PCDHGB5: variants seen among roughly 807,000 people sequenced by gnomAD.
The protein encoded by PCDHGB5 is protocadherin gamma subfamily B, 5.
PCDHGB5 carries 48 observed loss-of-function variants against 62.9 expected under a neutral mutation model. That is an observed-to-expected ratio of 0.76 (90% confidence interval 0.61 to 0.97). PCDHGB5 has a LOEUF of 0.97. Among genes scored for constraint, PCDHGB5 ranks in the 50% least tolerant of loss-of-function variants. PCDHGB5 has a pLI of 0.00. For missense variants in PCDHGB5, 1,118 were observed against 1,198.6 expected (o/e 0.93, Z 0.99); for synonymous variants, 474 against 511.2 (o/e 0.93, Z 0.98).
chr5:141,424,116 T>G, intron 1 of PCDHGB5: 1 of 667,648 alleles, frequency 1.5e-6, no homozygotes, highest in Non-Finnish European at 1.9e-6. Context: ...GTTCAAATTT[T>G]GATCCTGTTG....
chr5:141,502,825 G>A (rs1487995525), intron 2 of PCDHGB5, among the ~76,000 whole-genome samples: 4 of 151,216 alleles, frequency 2.6e-5, no homozygotes, highest in South Asian at 2.1e-4. Flanking sequence ...TTTCCTTGGG[G>A]AAGCCTGGAC....
chr5:141,487,459 T>A lies in PCDHGB5; in HGVS notation c.2398-7348T>A. The A allele has an allele frequency of 1.2e-6, 2 of 1,614,102 alleles. No homozygotes were observed. Among genetic ancestry groups the A allele is most frequent in the Non-Finnish European group, 1.7e-6 (2 of 1,180,008 alleles). On this transcript the variant is annotated intron_variant, in intron 1 of 3. Transcript: ENST00000617380. The surrounding 1 kb of genome is among the most constrained non-coding windows in gnomAD (Gnocchi z 5.0). ...TAGGGTCAGATGACCCTATCAAGTT[T>A]GTTGATGTGGGAGGCCACTCTCATG...
chr5:141,452,054 C>T (rs578157525), intron 1 of PCDHGB5, among the ~76,000 whole-genome samples: 2 of 152,078 alleles, frequency 1.3e-5, no homozygotes, highest in Admixed American at 1.3e-4. Flanking sequence ...TTTGTAATAA[C>T]TTATTCTACT....
chr5:141,495,424 A>C (rs927637242), intron 2 of PCDHGB5, among the ~76,000 whole-genome samples: 1 of 152,088 alleles, frequency 6.6e-6, no homozygotes, highest in African/African-American at 2.4e-5. Context: ...CCCTCCTCCC[A>C]CTGTCCTCTG....
intron 1 of PCDHGB5, among the ~76,000 whole-genome samples, chr5:141,473,922 A>T (rs1025156251): frequency 2.0e-5 from 3 of 152,182 alleles, no homozygotes; most frequent in South Asian, 2.1e-4. Flanking sequence ...GAAAACTATG[A>T]GCTGGGTGCA....
chr5:141,400,547 CT>C (rs765907405), intron 1 of PCDHGB5, 23 bp downstream of exon 1: 1 of 1,613,676 alleles, frequency 6.2e-7, no homozygotes, highest in East Asian at 2.2e-5. Context: ...TATGTCTATT[CT>C]TTTTCATTAC....
chr5:141,464,290 A>AC (rs1287070540), intron 1 of PCDHGB5, among the ~76,000 whole-genome samples: 1 of 149,916 alleles, frequency 6.7e-6, no homozygotes, highest in Non-Finnish European at 1.5e-5. Context: ...AAAAAAAAAA[A>AC]CTCCATTGTA....
At chr5:141,428,188 G>T in intron 1 of PCDHGB5, 1 of 1,433,356 alleles carries the variant, frequency 7.0e-7, no homozygotes. Flanking sequence ...GACAGCCGCC[G>T]CTCTCTGCGC....
rs1329649336 is a variant in PCDHGB5, at chr5:141,477,589, GCTTT to G, written c.2398-17207_2398-17204del. 2 of 1,614,130 alleles carry G rather than the reference GCTTT, an allele frequency of 1.2e-6. No homozygotes were observed. Among genetic ancestry groups the G allele is most frequent in the South Asian group, 1.1e-5 (1 of 91,086 alleles). ...ACCCCGACGCCCCGCAGAATGCTCGGCTTTCTTTCTTTCTCTTGGAGCAAGGAGC... is the reference window on the plus strand; with the variant it reads ...ACCCCGACGCCCCGCAGAATGCTCGGCTTTCTTTCTCTTGGAGCAAGGAGC... On this transcript the variant is annotated intron_variant, in intron 1 of 3. Coordinates refer to ENST00000617380, the MANE Select transcript of PCDHGB5 (RefSeq NM_018925.3). The surrounding 1 kb of genome is among the most constrained non-coding windows in gnomAD (Gnocchi z 4.9).
In PCDHGB5 at chr5:141,491,789, T is replaced by G; in HGVS notation, c.2398-3018T>G. The G allele has an allele frequency of 6.6e-7, 1 of 1,525,854 alleles. No individual in the cohort carries two copies. Among genetic ancestry groups the G allele is most frequent in the Non-Finnish European group, 8.8e-7 (1 of 1,137,340 alleles). The allele number at this position is 1,525,854 out of a possible 1,614,324, so 94.5% of individuals were successfully genotyped here. ...CATAAGGGATTGAACTTGCATCCAC[T>G]CCTCTCCGGCCGGCTTGGTCGCTGG... On this transcript the variant is annotated intron_variant, in intron 1 of 3. Transcript: ENST00000617380. The surrounding 1 kb of genome is among the most constrained non-coding windows in gnomAD (Gnocchi z 6.9).
Position 141,487,252 on chromosome 5 carries a change from G to T in PCDHGB5, c.2398-7555G>T. ...GAGAATCTCGTCTAACCCTCTACTT[G>T]GCTGTGTCCCTAGTGGCAATTTGCT... On this transcript the variant is annotated intron_variant, in intron 1 of 3. Transcript: ENST00000617380. The surrounding 1 kb of genome is among the most constrained non-coding windows in gnomAD (Gnocchi z 5.0). 1 of 1,614,110 alleles carries T rather than the reference G, an allele frequency of 6.2e-7. No homozygotes were observed. The highest frequency in any genetic ancestry group is 8.5e-7 in the Non-Finnish European group (1 of 1,180,014).
chr5:141,472,065 G>C lies in PCDHGB5; in HGVS notation c.2398-22742G>C, dbSNP rs115025688. Among the ~76,000 whole-genome samples the C allele has an allele frequency of 1.7e-3, 265 of 152,218 alleles. 1 individual carries two copies. Among genetic ancestry groups the C allele is most frequent in the Middle Eastern group, 3.4e-3 (1 of 294 alleles). On this transcript the variant is annotated intron_variant, in intron 1 of 3. Coordinates refer to ENST00000617380, the MANE Select transcript of PCDHGB5 (RefSeq NM_018925.3). ...GATTTTAAAAATGATTGACATGTCT[G>C]TGGTTATATCAATGAGTACTATTAT...
chr5:141,500,207 T>G (rs932015076), intron 2 of PCDHGB5, among the ~76,000 whole-genome samples: 2 of 150,136 alleles, frequency 1.3e-5, no homozygotes, highest in African/African-American at 4.9e-5. Context: ...TTTATTTATT[T>G]ATTTATTTAT....
At chr5:141,429,091 T>A (rs985605582) in intron 1 of PCDHGB5, 2 of 152,160 alleles carry the variant, frequency 1.3e-5, no homozygotes, top group African/African-American at 4.8e-5. Flanking sequence ...CCTGACCTCG[T>A]GATCTGCCCG....
chr5:141,407,159 A>G (rs1349203478), intron 1 of PCDHGB5, among the ~76,000 whole-genome samples: 1 of 152,232 alleles, frequency 6.6e-6, no homozygotes, highest in Non-Finnish European at 1.5e-5. Context: ...AGTGTCTGGG[A>G]ATCCTTTATG....
At position 141,493,202 on chromosome 5, in the gene PCDHGB5, A is replaced by G. The variant is rs1246390819; in HGVS notation, c.2398-1605A>G. Among the ~76,000 whole-genome samples, 1 of 152,196 alleles carries G rather than the reference A, an allele frequency of 6.6e-6. No individual in the cohort carries two copies. ...ACTATATAACTCCTTTGAGAACCTC[A>G]TCTCATTTGCTCTTCCCACCATTGC... On this transcript the variant is annotated intron_variant, in intron 1 of 3. Transcript: ENST00000617380. The surrounding 1 kb of genome is among the most constrained non-coding windows in gnomAD (Gnocchi z 4.3).
intron 1 of PCDHGB5, chr5:141,423,505 C>G: frequency 6.2e-7 from 1 of 1,613,932 alleles, no homozygotes; most frequent in Non-Finnish European, 8.5e-7. Context: ...CGAGGTCTCT[C>G]TCATTGCGGA....
chr5:141,445,035 T>C (rs1438748354), intron 1 of PCDHGB5, among the ~76,000 whole-genome samples: 1 of 152,208 alleles, frequency 6.6e-6, no homozygotes, highest in Admixed American at 6.5e-5. Flanking sequence ...CTATGTTGTA[T>C]AGTTTTCAGT....
intron 1 of PCDHGB5, among the ~76,000 whole-genome samples, chr5:141,450,322 T>A (rs1246284108): frequency 6.6e-6 from 1 of 152,106 alleles, no homozygotes; most frequent in African/African-American, 2.4e-5. Context: ...CTAGTTGCCA[T>A]GTCTCTTTAA....
Sources: gnomAD v4.1 joint callset for allele counts (sites outside exome capture counted in the v4.1 genomes callset) on GRCh38, gnomAD v4.1.1 for gene constraint, Gnocchi (gnomAD v3.1) non-coding constraint, MANE v1.5 for transcripts, NCBI Gene and HGNC (gene_info 2026-07-23, HGNC 2026-07-21) for gene names.